The following GCLC variants were observed in gnomAD, a reference collection of about 807,000 sequenced individuals.
The protein encoded by GCLC is glutamate--cysteine ligase catalytic subunit.
GCLC carries 30 observed loss-of-function variants against 81.5 expected under a neutral mutation model. The ratio of observed to expected loss-of-function variants is 0.37; its 90% CI spans 0.28 to 0.50. The LOEUF (loss-of-function observed/expected upper bound fraction) is 0.50, where lower values mean the gene tolerates loss of function less well. Among genes scored for constraint, GCLC ranks in the 20% least tolerant of loss-of-function variants. GCLC has a pLI of 0.96. For synonymous variants in GCLC, 262 were observed against 273.3 expected (o/e 0.96, Z 0.41); for missense variants, 556 against 777.4 (o/e 0.72, Z 3.39).
At chr6:53,510,766 A>T (rs1209129263) in intron 6 of GCLC, among the ~76,000 whole-genome samples, 2 of 152,224 alleles carry the variant, frequency 1.3e-5, no homozygotes, top group Non-Finnish European at 2.9e-5. Context: ...AGCAATGTCT[A>T]TTGGAGACTC....
chr6:53,513,975 T>C (rs1219896042), intron 6 of GCLC: 6 of 567,584 alleles, frequency 1.1e-5, no homozygotes, highest in Non-Finnish European at 1.9e-5. Flanking sequence ...TAAAGGTATA[T>C]ATACCGTATA....
chr6:53,501,691 C>T (rs914712736), intron 12 of GCLC, among the ~76,000 whole-genome samples: 1 of 152,134 alleles, frequency 6.6e-6, no homozygotes, highest in African/African-American at 2.4e-5. Context: ...ACACACAGGA[C>T]CTTCTGAAGA....
chr6:53,532,563 A>G (rs1219178429), intron 1 of GCLC, among the ~76,000 whole-genome samples: 1 of 152,214 alleles, frequency 6.6e-6, no homozygotes, highest in African/African-American at 2.4e-5. Context: ...GCTGGAAAAC[A>G]GCAGCTTCTA....
At chr6:53,499,524 C>T (rs1764461392) in intron 15 of GCLC, among the ~76,000 whole-genome samples, 1 of 152,122 alleles carries the variant, frequency 6.6e-6, no homozygotes, top group Non-Finnish European at 1.5e-5. Context: ...GATGCCATTA[C>T]CATTATTGCT....
chr6:53,535,601 C>T (rs1233275596), intron 1 of GCLC, among the ~76,000 whole-genome samples: 1 of 152,136 alleles, frequency 6.6e-6, no homozygotes, highest in African/African-American at 2.4e-5. Context: ...TCTGATAATA[C>T]TTACATCCAA....
intron 1 of GCLC, among the ~76,000 whole-genome samples, chr6:53,540,130 G>A (rs1261884069): frequency 6.6e-6 from 1 of 151,984 alleles, no homozygotes; most frequent in Non-Finnish European, 1.5e-5. Context: ...TTCTTACTAT[G>A]GTATGATAAA....
At chr6:53,511,279 A>G (rs1764735644) in intron 6 of GCLC, among the ~76,000 whole-genome samples, 1 of 152,130 alleles carries the variant, frequency 6.6e-6, no homozygotes, top group Admixed American at 6.5e-5. Flanking sequence ...CCCAAAAGCC[A>G]AACTGACAAG....
intron 1 of GCLC, among the ~76,000 whole-genome samples, chr6:53,533,625 G>GAA (rs1763208706): frequency 6.6e-6 from 1 of 152,108 alleles, no homozygotes. Context: ...ATAAGTTACA[G>GAA]AGTATTAAGT....
chr6:53,517,214 G>A (rs587937), intron 3 of GCLC, among the ~76,000 whole-genome samples: 62,609 of 142,108 alleles, frequency 0.44, 13,843 homozygotes, highest in Admixed American at 0.54. Context: ...AGGCTCCTGA[G>A]TAGCTGGGAT....
chr6:53,538,991 C>T (rs972870340), intron 1 of GCLC, among the ~76,000 whole-genome samples: 1 of 152,146 alleles, frequency 6.6e-6, no homozygotes, highest in African/African-American at 2.4e-5. Flanking sequence ...AGACAGATTT[C>T]AATGCTGATG....
intron 6 of GCLC, among the ~76,000 whole-genome samples, chr6:53,511,947 CTTTTTTTTTTT>C (rs535000790): frequency 4.2e-4 from 48 of 113,526 alleles, no homozygotes; most frequent in African/African-American, 1.5e-3. Context: ...GAACTTAGTG[CTTTTTTTTTTT>C]TTTTTTTTGA....
At chr6:53,523,334 T>C (rs1356721757) in intron 1 of GCLC, 2 of 152,196 alleles carry the variant, frequency 1.3e-5, no homozygotes, top group African/African-American at 4.8e-5. Flanking sequence ...CTGTGTGTGA[T>C]GGAAACAAAA....
intron 1 of GCLC, among the ~76,000 whole-genome samples, chr6:53,541,250 C>G (rs1763349358): frequency 6.6e-6 from 1 of 152,086 alleles, no homozygotes; most frequent in Non-Finnish European, 1.5e-5. Context: ...AGAGAGGTAC[C>G]ACAATGGAGA....
Position 53,509,225 on chromosome 6 carries a change from G to A in GCLC, c.779C>T (p.Ser260Phe), listed in dbSNP as rs1195223020. 4 of 1,606,800 alleles carry A rather than the reference G, an allele frequency of 2.5e-6. No individual in the cohort carries two copies. Among genetic ancestry groups the A allele is most frequent in the Non-Finnish European group, 3.4e-6 (4 of 1,173,480 alleles). Residue 260 changes from serine to phenylalanine, a missense_variant, in exon 7 of 16, where the codon TCT becomes TTT. By Grantham distance (155) the Ser-to-Phe change is radical. Transcript: ENST00000650454. ...CTGATCATAAAGGTATCTGGCCTCAGATATACTGCAGGCTTGGAATGTCAC... is the reference window on the plus strand; with the variant it reads ...CTGATCATAAAGGTATCTGGCCTCAAATATACTGCAGGCTTGGAATGTCAC... Reference protein sequence around the residue: ...LQVTFQACSISEARYLYDQLA... With the variant: ...LQVTFQACSIFEARYLYDQLA...
In GCLC at chr6:53,509,188, G is replaced by T. The variant is rs776853994; in HGVS notation, c.816C>A (p.Ile272=). Residue 272 remains isoleucine (I), a synonymous_variant, in exon 7 of 16, where the codon ATC becomes ATA. Transcript: ENST00000650454. The part of the protein sequence containing the change: ...ARYLYDQLAT[I]CPIVMALSAA... ...AATTTCTACTTACAACAATTGGACA[G>T]ATAGTAGCCAACTGATCATAAAGGT... The T allele has an allele frequency of 6.3e-7, 1 of 1,581,460 alleles. No individual in the cohort carries two copies. The highest frequency in any genetic ancestry group is 1.1e-5 in the South Asian group (1 of 90,488).
rs1011374523 is a variant in GCLC at position 53,533,574 on chromosome 6, G to A, written c.150+10922C>T. 5.3e-5 allele frequency among the ~76,000 whole-genome samples: 8 copies of A among 151,904 alleles called. No homozygotes were observed. In the East Asian group the frequency reaches 5.8e-4, roughly 11 times the overall value. On this transcript the variant is annotated intron_variant, in intron 1 of 15. Coordinates refer to ENST00000650454, the MANE Select transcript of GCLC (RefSeq NM_001498.4). ...TGCTGAAACCTGAAAGGTTGCAGGG[G>A]GAATGAATTCTACCACTTCTGGTAG...
chr6:53,503,607 CT>C (rs1764554164), intron 12 of GCLC, among the ~76,000 whole-genome samples: 1 of 152,034 alleles, frequency 6.6e-6, no homozygotes, highest in Admixed American at 6.5e-5. Context: ...ATTTTCCCCC[CT>C]TTTCATGTCT....
At chr6:53,511,201 T>TGA (rs1554151845) in intron 6 of GCLC, among the ~76,000 whole-genome samples, 1 of 108,088 alleles carries the variant, frequency 9.3e-6, no homozygotes, top group Non-Finnish European at 2.1e-5. Context: ...AAAAAAAAAG[T>TGA]GGGGGGGGGG....
intron 1 of GCLC, among the ~76,000 whole-genome samples, chr6:53,524,113 T>A (rs1431768133): frequency 6.6e-6 from 1 of 152,202 alleles, no homozygotes; most frequent in African/African-American, 2.4e-5. Flanking sequence ...AAGATACAAG[T>A]TAATCTTTAA....
Sources: gnomAD v4.1 joint callset for allele counts (sites outside exome capture counted in the v4.1 genomes callset) on GRCh38, gnomAD v4.1.1 for gene constraint, MANE v1.5 for transcripts, NCBI Gene and HGNC (gene_info 2026-07-23, HGNC 2026-07-21) for gene names.